Variants in CCSER1 observed in about 807,000 individuals in gnomAD.
The protein encoded by CCSER1 is serine-rich coiled-coil domain-containing protein 1.
A neutral mutation model predicts 82.0 loss-of-function variants in CCSER1; 41 were observed. The observed-to-expected ratio is 0.50, with a 90% CI of 0.39 to 0.65. The LOEUF (loss-of-function observed/expected upper bound fraction) is 0.65. CCSER1 is among the 30% of genes least tolerant of loss of function. The pLI, the probability that CCSER1 is intolerant of heterozygous loss-of-function variation, is 0.00. For synonymous variants in CCSER1, 414 were observed against 383.9 expected (o/e 1.08, Z -0.92); for missense variants, 1,119 against 1,064.2 (o/e 1.05, Z -0.72).
chr4:90,643,982 T>G (rs1053244291), intron 6 of CCSER1, among the ~76,000 whole-genome samples: 9 of 152,176 alleles, frequency 5.9e-5, no homozygotes, highest in Non-Finnish European at 1.0e-4. Flanking sequence ...GGCTTGATAG[T>G]ACATTTATGA....
chr4:91,128,803 G>T (rs534636867), intron 10 of CCSER1, among the ~76,000 whole-genome samples: 57 of 152,156 alleles, frequency 3.7e-4, no homozygotes, highest in African/African-American at 1.3e-3. Flanking sequence ...CTAGAGCAAG[G>T]CTGATCATTC....
At chr4:91,509,194 G>C (rs79126837) in intron 10 of CCSER1, among the ~76,000 whole-genome samples, 11,939 of 151,098 alleles carry the variant, frequency 0.079, 594 homozygotes, top group South Asian at 0.18. Flanking sequence ...ATGTATTGAT[G>C]CAAATATATT....
intron 5 of CCSER1, among the ~76,000 whole-genome samples, chr4:90,609,980 C>T (rs771970360): frequency 3.3e-5 from 5 of 152,082 alleles, no homozygotes; most frequent in East Asian, 1.9e-4. Context: ...AGGCCAGGCG[C>T]GGTGGCTCAT....
chr4:90,227,576 G>A (rs1178107527), intron 1 of CCSER1, among the ~76,000 whole-genome samples: 1 of 152,194 alleles, frequency 6.6e-6, no homozygotes, highest in Non-Finnish European at 1.5e-5. Flanking sequence ...CGAGCAAGTA[G>A]CATTAACATT....
rs539147785 is a variant in CCSER1, at chr4:91,149,214, G to A, written c.2217+63220G>A. 1.1e-4 allele frequency among the ~76,000 whole-genome samples: 17 copies of A among 152,248 alleles called. No homozygotes were observed. In the South Asian group the frequency reaches 3.5e-3, roughly 32 times the overall value. On this transcript the variant is annotated intron_variant, in intron 10 of 10. Transcript: ENST00000509176. ...TGGTGTCTCATTATGGTTTTGATTTGCATTTCTCTGATGGCCAGTGATGAT... is the reference window on the plus strand; with the variant it reads ...TGGTGTCTCATTATGGTTTTGATTTACATTTCTCTGATGGCCAGTGATGAT...
At chr4:90,952,130 ACT>A (rs766787408) in intron 9 of CCSER1, among the ~76,000 whole-genome samples, 10 of 152,264 alleles carry the variant, frequency 6.6e-5, no homozygotes, top group Non-Finnish European at 1.0e-4. Context: ...ACAATTAAAT[ACT>A]TTTTCTGTTG....
intron 10 of CCSER1, among the ~76,000 whole-genome samples, chr4:91,095,981 G>A (rs1724471246): frequency 6.6e-6 from 1 of 152,188 alleles, no homozygotes; most frequent in African/African-American, 2.4e-5. Flanking sequence ...GTAGCTGGTG[G>A]TGATCAGCCC....
In CCSER1 at chr4:90,934,709, A is replaced by T. The variant is rs186525390; in HGVS notation, c.2172+11262A>T. ...CACTTTGGGAGGCCAAGGCGGGTGGATCAGGTGAGGTTGGGAGTTCGAGAC... is the reference window on the plus strand; with the variant it reads ...CACTTTGGGAGGCCAAGGCGGGTGGTTCAGGTGAGGTTGGGAGTTCGAGAC... On this transcript the variant is annotated intron_variant, in intron 9 of 10. Transcript: ENST00000509176. Among the ~76,000 whole-genome samples the T allele has an allele frequency of 5.4e-3, 818 of 152,294 alleles. 2 individuals are homozygous for T. Among genetic ancestry groups the T allele is most frequent in the Middle Eastern group, 0.024 (7 of 294 alleles).
At chr4:90,324,521 G>GT (rs1212061339) in intron 3 of CCSER1, among the ~76,000 whole-genome samples, 2 of 150,440 alleles carry the variant, frequency 1.3e-5, no homozygotes, top group Non-Finnish European at 1.5e-5. Flanking sequence ...GGGGTTGTTT[G>GT]TTTTTTTCTT....
At chr4:90,698,653 G>A (rs1226105492) in intron 6 of CCSER1, among the ~76,000 whole-genome samples, 1 of 152,100 alleles carries the variant, frequency 6.6e-6, no homozygotes, top group Non-Finnish European at 1.5e-5. Context: ...CCTGAATTTG[G>A]GACATGTTGG....
chr4:90,431,036 C>A (rs1484410297), intron 4 of CCSER1, among the ~76,000 whole-genome samples: 1 of 151,896 alleles, frequency 6.6e-6, no homozygotes, highest in African/African-American at 2.4e-5. Flanking sequence ...TTCACAGGAG[C>A]CTGGTTTTGT....
chr4:91,150,755 T>C (rs1730095478), intron 10 of CCSER1, among the ~76,000 whole-genome samples: 1 of 152,226 alleles, frequency 6.6e-6, no homozygotes, highest in Non-Finnish European at 1.5e-5. Flanking sequence ...TGGTTCTGTT[T>C]ATATGATGGA....
chr4:90,863,864 A>C (rs1389888123), intron 8 of CCSER1, among the ~76,000 whole-genome samples: 1 of 151,848 alleles, frequency 6.6e-6, no homozygotes, highest in African/African-American at 2.4e-5. Context: ...TAAAACACCA[A>C]CAAAAGCCCT....
At chr4:90,420,233 C>A (rs1756473983) in intron 4 of CCSER1, among the ~76,000 whole-genome samples, 1 of 151,898 alleles carries the variant, frequency 6.6e-6, no homozygotes, top group African/African-American at 2.4e-5. Context: ...CTTTTACACT[C>A]CCATTAAAAA....
At chr4:91,056,465 A>C (rs1314997664) in intron 9 of CCSER1, among the ~76,000 whole-genome samples, 3 of 152,098 alleles carry the variant, frequency 2.0e-5, no homozygotes, top group African/African-American at 7.2e-5. Flanking sequence ...GCCCTGTCCA[A>C]AGAGGGAAGG....
intron 9 of CCSER1, among the ~76,000 whole-genome samples, chr4:91,042,742 G>A (rs1341431251): frequency 6.6e-6 from 1 of 152,028 alleles, no homozygotes; most frequent in African/African-American, 2.4e-5. Context: ...ACCAATAGAA[G>A]AATGAATTTC....
At chr4:91,409,819 A>G (rs902662113) in intron 10 of CCSER1, among the ~76,000 whole-genome samples, 11 of 152,128 alleles carry the variant, frequency 7.2e-5, no homozygotes, top group African/African-American at 2.4e-4. Flanking sequence ...AGTAGCTGGG[A>G]TCACAGGCGC....
intron 10 of CCSER1, among the ~76,000 whole-genome samples, chr4:91,575,113 G>A (rs1034769555): frequency 1.3e-5 from 2 of 151,890 alleles, no homozygotes; most frequent in Non-Finnish European, 2.9e-5. Flanking sequence ...ACACAATGAG[G>A]AAAGGACAAT....
At position 91,196,569 on chromosome 4, in the gene CCSER1, T is replaced by G. The variant is rs115251311; in HGVS notation, c.2217+110575T>G. Among the ~76,000 whole-genome samples, 875 of 152,330 alleles carry G rather than the reference T, an allele frequency of 5.7e-3. 4 individuals carry two copies. The highest frequency in any genetic ancestry group is 8.9e-3 in the Non-Finnish European group (608 of 68,024). Reference sequence around the variant, plus strand: ...TGACAACCCCCCTGCCCATACTCTGTTAATCCATGTATTAGGCATTACTGT... The same window carrying G: ...TGACAACCCCCCTGCCCATACTCTGGTAATCCATGTATTAGGCATTACTGT... On this transcript the variant is annotated intron_variant, in intron 10 of 10. Transcript: ENST00000509176.
Sources: allele counts gnomAD v4.1 joint callset (sites outside exome capture counted in the v4.1 genomes callset), GRCh38; gene constraint gnomAD v4.1.1; transcripts MANE v1.5; gene names NCBI Gene and HGNC (gene_info 2026-07-23, HGNC 2026-07-21).